DOP1B: variants seen among roughly 807,000 people sequenced by gnomAD.
DOP1B encodes DOP1 leucine zipper like protein B.
DOP1B carries 174 observed loss-of-function variants against 233.5 expected under a neutral mutation model. The observed-to-expected ratio is 0.75, with a 90% confidence interval of 0.66 to 0.85. The LOEUF is 0.85. Among genes scored for constraint, DOP1B ranks in the 40% least tolerant of loss-of-function variants. The pLI is 0.00. For synonymous variants in DOP1B, 1,190 were observed against 1,185.6 expected (o/e 1.00, Z -0.08); for missense variants, 2,652 against 2,846.6 (o/e 0.93, Z 1.56).
chr21:36,199,234 G>A lies in DOP1B; in HGVS notation c.303G>A (p.Lys101=). ...FKIVGTKWLA[K]DLFLYSCGLF... ...TCGTGGGGACCAAATGGCTGGCCAAGGACTTGTTTCTGTACAGGTGCGATT... is the reference window on the plus strand; with the variant it reads ...TCGTGGGGACCAAATGGCTGGCCAAAGACTTGTTTCTGTACAGGTGCGATT... Residue 101 remains lysine, a synonymous_variant, in exon 3 of 37, where the codon AAG becomes AAA. Transcript: ENST00000691173. The A allele has an allele frequency of 6.2e-7, 1 of 1,613,990 alleles. No individual in the cohort carries two copies. Among genetic ancestry groups the A allele is most frequent in the Non-Finnish European group, 8.5e-7 (1 of 1,179,968 alleles).
At chr21:36,248,639 A>G (rs2066997377) in intron 21 of DOP1B, 71 bp downstream of exon 21, 2 of 1,450,448 alleles carry the variant, frequency 1.4e-6, no homozygotes, top group African/African-American at 1.4e-5. Context: ...AAATGTGTAT[A>G]GGAAAGTGTG....
intron 9 of DOP1B, among the ~76,000 whole-genome samples, chr21:36,217,967 G>C (rs369062400): frequency 6.6e-6 from 1 of 152,172 alleles, no homozygotes; most frequent in African/African-American, 2.4e-5. Flanking sequence ...GTATTTTCTG[G>C]AAGCAAATGA....
chr21:36,185,374 C>T (rs2066152362), intron 2 of DOP1B, among the ~76,000 whole-genome samples: 1 of 152,160 alleles, frequency 6.6e-6, no homozygotes, highest in Admixed American at 6.5e-5. Flanking sequence ...TCACCTCCTC[C>T]TGCCATTTTT....
At chr21:36,193,322 C>T (rs898795162) in intron 2 of DOP1B, among the ~76,000 whole-genome samples, 10 of 152,116 alleles carry the variant, frequency 6.6e-5, no homozygotes, top group African/African-American at 2.4e-4. Context: ...GTGTGACAGT[C>T]GCGTAGAATG....
Position 36,280,283 on chromosome 21 carries a change from A to G in DOP1B, c.5970-2A>G. Reference sequence around the variant, plus strand: ...ATTGATTTTGCTTTCTTTAATATCCAGTTGGAAGTCCATTATTGACCATCT... The same window carrying G: ...ATTGATTTTGCTTTCTTTAATATCCGGTTGGAAGTCCATTATTGACCATCT... On this transcript the variant is annotated splice_acceptor_variant, in intron 30 of 36. Coordinates refer to ENST00000691173, the MANE Select transcript of DOP1B (RefSeq NM_001320714.2). LOFTEE classifies it high-confidence loss of function. The G allele has an allele frequency of 6.2e-7, 1 of 1,601,118 alleles. No homozygotes were observed. The highest frequency in any genetic ancestry group is 8.5e-7 in the Non-Finnish European group (1 of 1,171,784).
intron 32 of DOP1B, among the ~76,000 whole-genome samples, chr21:36,283,034 T>C (rs1385668351): frequency 1.3e-5 from 2 of 151,246 alleles, no homozygotes; most frequent in Non-Finnish European, 3.0e-5. Flanking sequence ...TTTTTTTTTT[T>C]TTTTCCTTCT....
intron 26 of DOP1B, among the ~76,000 whole-genome samples, chr21:36,265,673 T>C (rs866052742): frequency 2.6e-5 from 4 of 152,266 alleles, no homozygotes; most frequent in Non-Finnish European, 5.9e-5. Context: ...TCTGCTCCTT[T>C]TGGTTGCGGG....
intron 16 of DOP1B, among the ~76,000 whole-genome samples, chr21:36,237,653 C>G (rs939843390): frequency 6.6e-6 from 1 of 152,188 alleles, no homozygotes; most frequent in African/African-American, 2.4e-5. Context: ...ACCAGGGAAA[C>G]CTGCCCAAAC....
intron 5 of DOP1B, 136 bp from the exon 6 acceptor site, chr21:36,211,417 C>A: frequency 1.4e-6 from 1 of 730,532 alleles, no homozygotes; most frequent in South Asian, 1.8e-5. Context: ...GAACCCACAC[C>A]CTCCTGACCT....
chr21:36,192,863 AT>A (rs368495957), intron 2 of DOP1B, among the ~76,000 whole-genome samples: 34,706 of 150,936 alleles, frequency 0.23, 4,342 homozygotes, highest in African/African-American at 0.33. Context: ...AATTTTTTGT[AT>A]TTTTTTAGTG....
At chr21:36,225,273 A>G (rs2066669076) in intron 11 of DOP1B, among the ~76,000 whole-genome samples, 1 of 151,286 alleles carries the variant, frequency 6.6e-6, no homozygotes, top group Non-Finnish European at 1.5e-5. Context: ...TCTGTCACCC[A>G]GGCTGGAGTG....
In DOP1B at chr21:36,253,817, G is replaced by T; in HGVS notation, c.5167G>T (p.Val1723Leu). Residue 1723 changes from valine (V) to leucine (L), a missense_variant, in exon 23 of 37, where the codon GTG (valine) becomes TTG (leucine). By Grantham distance (32) the Val-to-Leu change is conservative (BLOSUM62 1). Around this residue, in one of 3 missense-constraint regions of DOP1B, gnomAD observed 2,617 missense variants for 2,794.3 expected, o/e 0.94. Coordinates refer to ENST00000691173, the MANE Select transcript of DOP1B (RefSeq NM_001320714.2). ...ATCCCAGCTAACCCTTGTCGACTTGGTGTGTGCACTCAGCACCCTGCAGAC... is the reference window on the plus strand; with the variant it reads ...ATCCCAGCTAACCCTTGTCGACTTGTTGTGTGCACTCAGCACCCTGCAGAC... ...SASQLTLVDL[V>L]CALSTLQTDT... 6.2e-7 allele frequency: 1 copy of T among 1,613,936 alleles called. No individual in the cohort carries two copies. The highest frequency in any genetic ancestry group is 8.5e-7 in the Non-Finnish European group (1 of 1,179,970).
chr21:36,258,272 T>C (rs946029597), intron 23 of DOP1B, among the ~76,000 whole-genome samples: 1 of 151,782 alleles, frequency 6.6e-6, no homozygotes, highest in Admixed American at 6.6e-5. Flanking sequence ...TAGCCAGGCA[T>C]GGTATGCACC....
intron 7 of DOP1B, 145 bp downstream of exon 7, chr21:36,212,242 T>A: frequency 1.1e-6 from 1 of 905,070 alleles, no homozygotes; most frequent in Non-Finnish European, 1.5e-6. Flanking sequence ...ATGGCACTGG[T>A]CAGTTGAGGT....
intron 15 of DOP1B, among the ~76,000 whole-genome samples, chr21:36,234,243 C>A (rs1374037288): frequency 6.6e-6 from 1 of 152,116 alleles, no homozygotes; most frequent in Non-Finnish European, 1.5e-5. Context: ...GAAACCAGGA[C>A]TGGAACCGCT....
intron 24 of DOP1B, 100 bp downstream of exon 24, chr21:36,260,832 G>A: frequency 1.3e-6 from 2 of 1,568,636 alleles, no homozygotes; most frequent in Non-Finnish European, 1.7e-6. Flanking sequence ...GACTACTAGA[G>A]AGCCATTGTT....
At chr21:36,289,460 TGTGTGTGTGTG>T (rs2067532000) in intron 35 of DOP1B, among the ~76,000 whole-genome samples, 1 of 148,142 alleles carries the variant, frequency 6.8e-6, no homozygotes, top group East Asian at 2.0e-4. Flanking sequence ...TGTGTGTGTG[TGTGTGTGTGTG>T]TGTGGTTTTT....
chr21:36,272,694 C>G (rs906781694), intron 27 of DOP1B, among the ~76,000 whole-genome samples: 3 of 142,544 alleles, frequency 2.1e-5, no homozygotes, highest in Non-Finnish European at 3.1e-5. Context: ...ACAGCAAGAC[C>G]CCATCTCAGG....
chr21:36,200,531 T>A (rs777818707), intron 4 of DOP1B, 30 bp downstream of exon 4: 7 of 1,578,234 alleles, frequency 4.4e-6, no homozygotes, highest in African/African-American at 1.4e-5. Flanking sequence ...AGGCTGTGTT[T>A]ACTCCACTGC....
Sources: gnomAD v4.1 joint callset for allele counts (sites outside exome capture counted in the v4.1 genomes callset) on GRCh38, gnomAD v4.1.1 for gene constraint, gnomAD v4.1.1 regional missense constraint, MANE v1.5 for transcripts, NCBI Gene and HGNC (gene_info 2026-07-23, HGNC 2026-07-21) for gene names.